The following SLC8A1 variants were observed in gnomAD, a reference collection of about 807,000 sequenced individuals.
SLC8A1 encodes sodium/calcium exchanger 1.
In SLC8A1, 18 loss-of-function variants were observed where a neutral mutation model predicts 68.3. That is an observed-to-expected ratio of 0.26 (90% CI 0.18 to 0.39). SLC8A1 has a LOEUF of 0.39. Among genes scored for constraint, SLC8A1 ranks in the 10% least tolerant of loss-of-function variants. The pLI, the probability that SLC8A1 is intolerant of heterozygous loss-of-function variation, is 1.00. For synonymous variants in SLC8A1, 475 were observed against 415.5 expected, an observed-to-expected ratio of 1.14 and a Z score of -1.74; for missense variants, 985 against 1,156.7, an observed-to-expected ratio of 0.85 and a Z score of 2.15.
chr2:40,244,896 G>T (rs1265386008), intron 2 of SLC8A1, among the ~76,000 whole-genome samples: 1 of 152,118 alleles, frequency 6.6e-6, no homozygotes, highest in East Asian at 1.9e-4. Context: ...AATGTCTGGG[G>T]GATAAGTCCC....
At chr2:40,505,495 A>T (rs533488225) in intron 1 of SLC8A1, among the ~76,000 whole-genome samples, 80 of 152,048 alleles carry the variant, frequency 5.3e-4, no homozygotes, top group African/African-American at 1.9e-3. Flanking sequence ...ATTTTTAAAA[A>T]TTACTAAAAT....
intron 2 of SLC8A1, among the ~76,000 whole-genome samples, chr2:40,382,390 GGTTA>G (rs57003707): frequency 0.29 from 44,206 of 151,580 alleles, 9,610 homozygotes; most frequent in African/African-American, 0.62. Context: ...ATTTGCCAAG[GGTTA>G]GTATTTTTAT....
At chr2:40,428,540 C>T in exon 2 of SLC8A1, 1 of 1,613,380 alleles carries the variant, frequency 6.2e-7, no homozygotes, top group Non-Finnish European at 8.5e-7. Context: ...CCACCTCTGG[C>T]AGTCCCTTCG....
chr2:40,505,630 T>C (rs1706323026), intron 1 of SLC8A1, among the ~76,000 whole-genome samples: 1 of 151,966 alleles, frequency 6.6e-6, no homozygotes, highest in South Asian at 2.1e-4. Flanking sequence ...TATAGTAGGC[T>C]GAATATAAGT....
chr2:40,182,590 A>T (rs2049827553), intron 2 of SLC8A1, among the ~76,000 whole-genome samples: 1 of 152,212 alleles, frequency 6.6e-6, no homozygotes, highest in South Asian at 2.1e-4. Flanking sequence ...ATTTGATGAT[A>T]CCAAACCAAC....
At chr2:40,213,425 G>C (rs1438210202) in intron 2 of SLC8A1, 2 of 152,078 alleles carry the variant, frequency 1.3e-5, no homozygotes, top group African/African-American at 4.8e-5. Context: ...CTATCAAAAA[G>C]GGACAATGCC....
chr2:40,375,627 A>G (rs1414119912), intron 2 of SLC8A1, among the ~76,000 whole-genome samples: 4 of 152,088 alleles, frequency 2.6e-5, no homozygotes, highest in Non-Finnish European at 5.9e-5. Flanking sequence ...TTATTCTCCT[A>G]AAAGATATTA....
chr2:40,430,020 G>A (rs1697884603), exon 2 of SLC8A1: 3 of 1,613,906 alleles, frequency 1.9e-6, no homozygotes, highest in East Asian at 4.5e-5. Context: ...CAAGAAACAT[G>A]TAGACCATGG....
chr2:40,279,807 C>T (rs552433396), intron 2 of SLC8A1, among the ~76,000 whole-genome samples: 3 of 152,226 alleles, frequency 2.0e-5, no homozygotes, highest in Non-Finnish European at 2.9e-5. Context: ...CTCTCACGTG[C>T]CCCCAACATG....
intron 2 of SLC8A1, among the ~76,000 whole-genome samples, chr2:40,264,972 G>T (rs937752535): frequency 6.6e-6 from 1 of 152,140 alleles, no homozygotes; most frequent in South Asian, 2.1e-4. Context: ...GAGCACAGGG[G>T]AAGATACACT....
intron 2 of SLC8A1, among the ~76,000 whole-genome samples, chr2:40,198,312 T>C (rs760215419): frequency 3.3e-5 from 5 of 151,888 alleles, no homozygotes; most frequent in African/African-American, 4.8e-5. Context: ...ACTGGCCTAA[T>C]TGACTGGACA....
intron 2 of SLC8A1, among the ~76,000 whole-genome samples, chr2:40,402,663 A>G (rs368499837): frequency 4.6e-5 from 7 of 152,148 alleles, no homozygotes; most frequent in Non-Finnish European, 7.4e-5. Context: ...TAATCGCCAC[A>G]TTTTCCCTAA....
intron 2 of SLC8A1, among the ~76,000 whole-genome samples, chr2:40,400,094 C>G (rs566252060): frequency 1.3e-5 from 2 of 152,264 alleles, no homozygotes; most frequent in Admixed American, 6.5e-5. Context: ...CGATCACGAC[C>G]CTCTCGCGTG....
intron 2 of SLC8A1, among the ~76,000 whole-genome samples, chr2:40,236,104 T>C (rs1276066430): frequency 6.6e-6 from 1 of 152,120 alleles, no homozygotes; most frequent in East Asian, 1.9e-4. Context: ...GTTCTGTAGA[T>C]GTCTATTAGG....
chr2:40,347,716 T>C lies in SLC8A1; in HGVS notation c.1808+80757A>G, dbSNP rs764319064. ...AAACTAATGAAATACTTTCGAAATA[T>C]TGTGTATTAATTTAGTTTATGACTC... is the stretch of plus-strand genomic sequence containing the variant. On this transcript the variant is annotated intron_variant, in intron 2 of 7. Coordinates refer to ENST00000406785, the Ensembl canonical transcript of SLC8A1. Among the ~76,000 whole-genome samples, 4 of 152,336 alleles carry C rather than the reference T, an allele frequency of 2.6e-5. No individual in the cohort carries two copies. In the South Asian group the frequency reaches 8.3e-4, roughly 32 times the overall value.
intron 2 of SLC8A1, chr2:40,254,826 G>A (rs1350630425): frequency 6.6e-6 from 1 of 152,146 alleles, no homozygotes; most frequent in Non-Finnish European, 1.5e-5. Context: ...CTTCCTTTGA[G>A]CACTCACACT....
intron 1 of SLC8A1, among the ~76,000 whole-genome samples, chr2:40,441,496 T>C (rs1700477228): frequency 6.6e-6 from 1 of 151,972 alleles, no homozygotes; most frequent in Non-Finnish European, 1.5e-5. Context: ...GGCATCACAC[T>C]ACCTGACTTC....
At chr2:40,478,139 T>A (rs1361165095) in intron 1 of SLC8A1, among the ~76,000 whole-genome samples, 3 of 152,208 alleles carry the variant, frequency 2.0e-5, no homozygotes, top group African/African-American at 4.8e-5. Flanking sequence ...CTGAAAATAC[T>A]CAGCTATGCC....
At chr2:40,170,016 C>G (rs972526408) in intron 4 of SLC8A1, among the ~76,000 whole-genome samples, 1 of 152,136 alleles carries the variant, frequency 6.6e-6, no homozygotes, top group Non-Finnish European at 1.5e-5. Flanking sequence ...TCCAAGAAAT[C>G]TGGAATACAT....
Sources: gnomAD v4.1 joint callset for allele counts (sites outside exome capture counted in the v4.1 genomes callset) on GRCh38, gnomAD v4.1.1 for gene constraint, MANE v1.5 for transcripts, NCBI Gene and HGNC (gene_info 2026-07-23, HGNC 2026-07-21) for gene names.